FBXL2: variants seen among roughly 807,000 people sequenced by gnomAD.
The protein encoded by FBXL2 is F-box and leucine rich repeat protein 2, also known as F-box/LRR-repeat protein 2.
Under a neutral mutation model 69.2 loss-of-function variants are expected in FBXL2, and 38 were observed. The ratio of observed to expected loss-of-function variants is 0.55; its 90% confidence interval spans 0.42 to 0.72. The LOEUF is 0.72. Among genes scored for constraint, FBXL2 ranks in the 30% least tolerant of loss-of-function variants. The pLI, the probability that FBXL2 is intolerant of heterozygous loss-of-function variation, is 0.00. For missense variants in FBXL2, 354 were observed against 520.3 expected, an observed-to-expected ratio of 0.68 and a Z score of 3.11; for synonymous variants, 192 against 201.3, an observed-to-expected ratio of 0.95 and a Z score of 0.39.
chr3:33,338,693 A>G (rs1163948465), intron 2 of FBXL2, among the ~76,000 whole-genome samples: 1 of 152,226 alleles, frequency 6.6e-6, no homozygotes, highest in Non-Finnish European at 1.5e-5. Context: ...TCCCTATTCA[A>G]TGAATGGTGC....
At chr3:33,390,631 A>AG (rs544932911), downstream of FBXL2, 945 of 527,084 alleles carry the variant, frequency 1.8e-3, 5 homozygotes, top group Middle Eastern at 4.7e-3. Context: ...TTCTGGGGGT[A>AG]GGGGGACATC....
At chr3:33,310,533 G>A (rs780863539) in intron 2 of FBXL2, among the ~76,000 whole-genome samples, 2 of 151,956 alleles carry the variant, frequency 1.3e-5, no homozygotes, top group Non-Finnish European at 2.9e-5. Context: ...AGAGTATTCC[G>A]AATTTTACTA....
chr3:33,346,857 C>CAT (rs1380193227), intron 2 of FBXL2, among the ~76,000 whole-genome samples: 1 of 152,050 alleles, frequency 6.6e-6, no homozygotes, highest in Non-Finnish European at 1.5e-5. Flanking sequence ...ACACAGTAAG[C>CAT]ATATATATTT....
At chr3:33,381,976 C>G (rs780050813) in intron 13 of FBXL2, among the ~76,000 whole-genome samples, 17 of 152,220 alleles carry the variant, frequency 1.1e-4, no homozygotes, top group Non-Finnish European at 1.5e-5. Flanking sequence ...TCCCTTCCCT[C>G]GAGGTGGTAC....
chr3:33,395,631 C>CA (rs1295199407), intron 12 of FBXL2, among the ~76,000 whole-genome samples: 3 of 150,756 alleles, frequency 2.0e-5, no homozygotes, highest in Non-Finnish European at 4.4e-5. Flanking sequence ...ACACAAGGTG[C>CA]ACAATGCTGG....
chr3:33,370,716 A>G (rs111767866), intron 5 of FBXL2, among the ~76,000 whole-genome samples: 11,838 of 152,038 alleles, frequency 0.078, 533 homozygotes, highest in South Asian at 0.11. Context: ...CCTGAGCTCA[A>G]GTGATCCTCC....
intron 13 of FBXL2, among the ~76,000 whole-genome samples, chr3:33,379,611 T>C (rs1336786441): frequency 3.4e-5 from 5 of 149,206 alleles, no homozygotes; most frequent in Non-Finnish European, 7.4e-5. Flanking sequence ...TGCCTCGGCC[T>C]CCCAAAACAA....
In FBXL2 at chr3:33,373,642, A is replaced by T; in HGVS notation, c.520A>T (p.Ile174Phe). 1.2e-6 allele frequency: 2 copies of T among 1,614,218 alleles called. No homozygotes were observed. The highest frequency in any genetic ancestry group is 1.7e-6 in the Non-Finnish European group (2 of 1,180,036). Residue 174 changes from isoleucine (I) to phenylalanine (F), a missense_variant, in exon 8 of 15, where the codon ATC (isoleucine) becomes TTC (phenylalanine). By Grantham distance (21) the Ile-to-Phe change is conservative. Transcript: ENST00000484457. ...SWCDQITKDGIEALVRGCRGL... is the reference protein window; with the variant it reads ...SWCDQITKDGFEALVRGCRGL... ...GTGTGATCAGATCACGAAGGATGGCATCGAGGCACTGGTGCGAGGTTGTCG... is the reference window on the plus strand; with the variant it reads ...GTGTGATCAGATCACGAAGGATGGCTTCGAGGCACTGGTGCGAGGTTGTCG...
chr3:33,315,225 CT>C lies in FBXL2; in HGVS notation c.65+17508del, dbSNP rs201946493. Among the ~76,000 whole-genome samples, 115 of 149,996 alleles carry C rather than the reference CT, an allele frequency of 7.7e-4. 1 individual carries two copies. The highest frequency in any genetic ancestry group is 3.3e-3 in the East Asian group (17 of 5,140). On this transcript the variant is annotated intron_variant, in intron 2 of 14. Transcript: ENST00000484457. The stretch of plus-strand genomic sequence containing the variant: ...TTCTTTTTCTTTCTCCTTTCCTTTC[CT>C]TTTTTTTCTTTCTTTTTTTTCCTTT...
the FBXL2 span, chr3:33,412,581 CAAAAAA>C: frequency 2.0e-6 from 1 of 500,846 alleles, no homozygotes; most frequent in South Asian, 2.4e-5. Flanking sequence ...GGCTCTGTCT[CAAAAAA>C]AAAAAAAAAA....
chr3:33,338,822 C>A (rs2039786679), intron 2 of FBXL2, among the ~76,000 whole-genome samples: 1 of 152,140 alleles, frequency 6.6e-6, no homozygotes, highest in South Asian at 2.1e-4. Context: ...AATATAAAAT[C>A]CCTGAAGAAA....
the FBXL2 span, chr3:33,409,619 C>T: frequency 6.2e-7 from 1 of 1,614,052 alleles, no homozygotes; most frequent in South Asian, 1.1e-5. Context: ...ACGATTCAGG[C>T]TGAAATGGAT....
intron 12 of FBXL2, among the ~76,000 whole-genome samples, chr3:33,399,461 T>C (rs980234831): frequency 3.9e-5 from 6 of 152,130 alleles, no homozygotes; most frequent in Non-Finnish European, 8.8e-5. Context: ...ACTCAGACTA[T>C]GAAACACTAC....
intron 2 of FBXL2, among the ~76,000 whole-genome samples, chr3:33,353,208 A>C (rs1301345146): frequency 6.6e-6 from 1 of 152,232 alleles, no homozygotes; most frequent in Non-Finnish European, 1.5e-5. Flanking sequence ...GCCAGTTTAG[A>C]ATACAGCTTG....
downstream of FBXL2, chr3:33,390,474 T>G: frequency 8.3e-7 from 1 of 1,204,860 alleles, no homozygotes; most frequent in Non-Finnish European, 1.2e-6. Context: ...AATTCAGAGG[T>G]TACCTTTAAA....
chr3:33,311,467 T>C (rs2037186619), intron 2 of FBXL2, among the ~76,000 whole-genome samples: 1 of 152,176 alleles, frequency 6.6e-6, no homozygotes, highest in South Asian at 2.1e-4. Context: ...TTCTTCACTC[T>C]TTTTCATTTT....
chr3:33,411,072 C>CAA, the FBXL2 span, among the ~76,000 whole-genome samples: 36 of 65,538 alleles, frequency 5.5e-4, no homozygotes, highest in African/African-American at 1.6e-3. Flanking sequence ...AACTCCATCT[C>CAA]AAAAAAAAAA....
intron 2 of FBXL2, among the ~76,000 whole-genome samples, chr3:33,334,076 CT>C (rs1181978817): frequency 1.3e-5 from 2 of 152,138 alleles, no homozygotes; most frequent in Admixed American, 1.3e-4. Flanking sequence ...GAGGGAAGGG[CT>C]TGTACTCTGG....
chr3:33,324,266 G>A (rs2038494797), intron 2 of FBXL2, among the ~76,000 whole-genome samples: 1 of 152,112 alleles, frequency 6.6e-6, no homozygotes, highest in Admixed American at 6.5e-5. Flanking sequence ...TGTTCACTCT[G>A]ATGATAGCTT....
Sources: gnomAD v4.1 joint callset for allele counts (sites outside exome capture counted in the v4.1 genomes callset) on GRCh38, gnomAD v4.1.1 for gene constraint, MANE v1.5 for transcripts, NCBI Gene and HGNC (gene_info 2026-07-23, HGNC 2026-07-21) for gene names.